DIMT1: variants seen among roughly 807,000 people sequenced by gnomAD.
DIMT1 encodes DIM1 rRNA methyltransferase and ribosome maturation factor, also known as dimethyladenosine transferase.
A neutral mutation model predicts 43.2 loss-of-function variants in DIMT1; 36 were observed. That is an observed-to-expected ratio of 0.83 (90% CI 0.64 to 1.10). DIMT1 has a LOEUF of 1.10. DIMT1 is among the 50% of genes least tolerant of loss of function. The pLI is 0.00. For synonymous variants in DIMT1, 126 were observed against 130.3 expected (o/e 0.97, Z 0.22); for missense variants, 341 against 385.3 (o/e 0.88, Z 0.96).
chr5:62,401,773 G>T (rs1302646758), intron 3 of DIMT1, among the ~76,000 whole-genome samples: 3 of 151,352 alleles, frequency 2.0e-5, no homozygotes, highest in Non-Finnish European at 4.4e-5. Flanking sequence ...AGTTGAGATG[G>T]GGTTTCACCA....
Position 62,398,872 on chromosome 5 carries a change from A to C in DIMT1, c.250T>G (p.Cys84Gly), listed in dbSNP as rs1354317643. 8 of 1,611,994 alleles carry C rather than the reference A, an allele frequency of 5.0e-6. No homozygotes were observed. In the East Asian group the frequency reaches 1.6e-4, roughly 31 times the overall value. The change falls in exon 4 of 12, where the codon TGT (cysteine) becomes GGT (glycine). Residue 84 changes from cysteine to glycine, a missense_variant. By Grantham distance (159) the Cys-to-Gly change is radical. Coordinates refer to ENST00000199320, the MANE Select transcript of DIMT1 (RefSeq NM_014473.4). The part of the protein sequence containing the change: ...LLEKAKKVVA[C>G]ELDPRLVAEL... The stretch of plus-strand genomic sequence containing the variant: ...GCTACTAGCCTTGGGTCAAGTTCAC[A>C]AGCAACAACCTAATTTAAAAAAAAT...
intron 11 of DIMT1, among the ~76,000 whole-genome samples, chr5:62,389,676 GA>G (rs1344463889): frequency 2.0e-5 from 3 of 152,114 alleles, no homozygotes; most frequent in African/African-American, 4.8e-5. Flanking sequence ...AACTGAACAA[GA>G]AGCTGTTTGG....
intron 7 of DIMT1, 29 bp from the exon 8 acceptor site, chr5:62,394,076 C>T (rs1742397107): frequency 1.2e-6 from 2 of 1,601,036 alleles, no homozygotes; most frequent in African/African-American, 1.3e-5. Context: ...TTAAGTAGTA[C>T]TCACAAAGGC....
In DIMT1 at chr5:62,393,964, G is replaced by C; in HGVS notation, c.654C>G (p.Ile218Met). 8.7e-6 allele frequency: 14 copies of C among 1,607,628 alleles called. No individual in the cohort carries two copies. The highest frequency in any genetic ancestry group is 1.2e-5 in the Non-Finnish European group (14 of 1,178,310). The change falls in exon 8 of 12, where the codon ATC becomes ATG. Residue 218 changes from isoleucine to methionine, a missense_variant. Ile to Met is a conservative substitution (Grantham distance 10, BLOSUM62 1). Coordinates refer to ENST00000199320, the MANE Select transcript of DIMT1 (RefSeq NM_014473.4). ...RIEPKNPPPPINFQEWDGLVR... is the reference protein window; with the variant it reads ...RIEPKNPPPPMNFQEWDGLVR... Reference sequence around the variant, plus strand: ...AGTATTTTAACCTCACCTGAAAATTGATGGGTGGTGGTGGATTCTTAGGTT... The same window carrying C: ...AGTATTTTAACCTCACCTGAAAATTCATGGGTGGTGGTGGATTCTTAGGTT...
At chr5:62,400,956 G>C (rs767009022) in intron 3 of DIMT1, among the ~76,000 whole-genome samples, 2 of 151,564 alleles carry the variant, frequency 1.3e-5, no homozygotes, top group African/African-American at 2.4e-5. Flanking sequence ...TCACCATGTT[G>C]CCCAGGCTGG....
rs75841721 is a variant in DIMT1 at position 62,396,692 on chromosome 5, A to T, written c.446+1819T>A. On this transcript the variant is annotated intron_variant, in intron 6 of 11. Transcript: ENST00000199320. The stretch of plus-strand genomic sequence containing the variant: ...CTGCTACATCTTAGCTAACTTTCTC[A>T]AAACACTCTTGTAATAAGCAGATGT... Among the ~76,000 whole-genome samples, 389 of 152,342 alleles carry T rather than the reference A, an allele frequency of 2.6e-3. 1 individual carries two copies. The highest frequency in any genetic ancestry group is 8.3e-3 in the South Asian group (40 of 4,828).
chr5:62,392,156 C>G lies in DIMT1; in HGVS notation c.792+15G>C, dbSNP rs1483026574. The G allele has an allele frequency of 3.1e-6, 5 of 1,609,404 alleles. No homozygotes were observed. The Admixed American group carries it at 8.5e-5, about 27-fold the overall frequency. ...AAACAAATCAATGAAACTGCAGGAA[C>G]ATTTTCTAACTTACAATATTATGGA... On this transcript the variant is annotated intron_variant, in intron 10 of 11. Coordinates refer to ENST00000199320, the MANE Select transcript of DIMT1 (RefSeq NM_014473.4).
chr5:62,401,173 G>A (rs931199319), intron 3 of DIMT1, among the ~76,000 whole-genome samples: 1 of 152,142 alleles, frequency 6.6e-6, no homozygotes, highest in Non-Finnish European at 1.5e-5. Flanking sequence ...GTACAAAGGG[G>A]AGGCGTTGGG....
At position 62,398,356 on chromosome 5, in the gene DIMT1, C is replaced by G. The variant is rs1580127629; in HGVS notation, c.446+155G>C. The G allele has an allele frequency of 5.6e-6, 4 of 715,158 alleles. No homozygotes were observed. The East Asian group carries it at 7.6e-5, about 14-fold the overall frequency. The allele number at this position is 715,158 out of a possible 1,614,324, so 44.3% of individuals were successfully genotyped here. A position where few individuals can be genotyped will look rare whatever the true frequency, so the allele number is the denominator to read the frequency against. On this transcript the variant is annotated intron_variant, in intron 6 of 11. Transcript: ENST00000199320. ...AGCACACTACCCCCAAATAACCTCT[C>G]AATTAAAGAGAGAAAGACCTCCATA...
chr5:62,403,447 C>A, intron 1 of DIMT1, 101 bp from the exon 2 acceptor site: 1 of 1,170,826 alleles, frequency 8.5e-7, no homozygotes, highest in Non-Finnish European at 1.3e-6. Flanking sequence ...ATTTCTGCGC[C>A]AACCAGGGCC....
At chr5:62,398,436 AT>A in intron 6 of DIMT1, 74 bp downstream of exon 6, 1 of 1,466,326 alleles carries the variant, frequency 6.8e-7, no homozygotes, top group South Asian at 1.2e-5. Context: ...GACCTGACTC[AT>A]TTTTGGCTAT....
At chr5:62,403,562 C>T in intron 1 of DIMT1, 132 bp downstream of exon 1, 1 of 1,144,690 alleles carries the variant, frequency 8.7e-7, no homozygotes, top group Non-Finnish European at 1.2e-6. Flanking sequence ...CGGGGACCCA[C>T]CCCTGCCTTC....
chr5:62,390,212 A>T (rs1436641040), intron 11 of DIMT1, among the ~76,000 whole-genome samples: 2 of 152,222 alleles, frequency 1.3e-5, no homozygotes, highest in Non-Finnish European at 2.9e-5. Flanking sequence ...CTTAATGATT[A>T]AAAACAGTAA....
In DIMT1 at chr5:62,387,347, T is replaced by C. The variant is rs1039167952; in HGVS notation, c.*1663A>G. The C allele has an allele frequency of 6.6e-6, 1 of 152,216 alleles. No homozygotes were observed. Among genetic ancestry groups the C allele is most frequent in the African/African-American group, 2.4e-5 (1 of 41,454 alleles). 9.4% of individuals were successfully genotyped at this position (152,216 alleles called of 1,614,324 possible). A position where few individuals can be genotyped will look rare whatever the true frequency, so the allele number is the denominator to read the frequency against. On this transcript the variant is annotated 3_prime_UTR_variant, in exon 12 of 12. Coordinates refer to ENST00000199320, the MANE Select transcript of DIMT1 (RefSeq NM_014473.4). ...AGGATATTTAAAAAAAAGGTAGTTT[T>C]TGAGATTAACCAACTTTCAAAGGGC...
Position 62,398,521 on chromosome 5 carries a change from G to T in DIMT1, c.436C>A (p.Pro146Thr), listed in dbSNP as rs1365221044. ...PFVFKLLLHR[P>T]FFRCAILMFQ... ...TCTTTTGTCACAAACCTGAAAAAAG[G>T]TCGATGTAGCAACAGCTTGAAGACA... Residue 146 changes from proline (P) to threonine (T), a missense_variant, in exon 6 of 12, where the codon CCT becomes ACT. By Grantham distance (38) the Pro-to-Thr change is conservative. Coordinates refer to ENST00000199320, the MANE Select transcript of DIMT1 (RefSeq NM_014473.4). 1.2e-6 allele frequency: 2 copies of T among 1,612,488 alleles called. No homozygotes were observed. Among genetic ancestry groups the T allele is most frequent in the Non-Finnish European group, 1.7e-6 (2 of 1,178,574 alleles).
Position 62,403,890 on chromosome 5 carries a change from G to A in DIMT1, c.-118C>T. Reference sequence around the variant, plus strand: ...CGCCGCCCGCACCACTCTGGCCCAAGCGCCGGAGGGGCAAGGGTCCGCCCC... The same window carrying A: ...CGCCGCCCGCACCACTCTGGCCCAAACGCCGGAGGGGCAAGGGTCCGCCCC... On this transcript the variant is annotated 5_prime_UTR_variant, in exon 1 of 12. Transcript: ENST00000199320. The A allele has an allele frequency of 9.1e-7, 1 of 1,104,520 alleles. No homozygotes were observed. Among genetic ancestry groups the A allele is most frequent in the Non-Finnish European group, 1.3e-6 (1 of 779,116 alleles). The allele number at this position is 1,104,520 out of a possible 1,614,324, so 68.4% of individuals were successfully genotyped here.
At chr5:62,394,752 A>G in intron 6 of DIMT1, 145 bp from the exon 7 acceptor site, 1 of 1,155,744 alleles carries the variant, frequency 8.7e-7, no homozygotes, top group South Asian at 1.6e-5. Flanking sequence ...CCTTTTTTTT[A>G]TTGCCACAGA....
intron 6 of DIMT1, 41 bp downstream of exon 6, chr5:62,398,470 C>T (rs1269078886): frequency 6.2e-7 from 1 of 1,601,512 alleles, no homozygotes. Flanking sequence ...AACTGTAAGT[C>T]TTTCAAAATT....
chr5:62,391,708 A>G, intron 10 of DIMT1: 1 of 1,301,558 alleles, frequency 7.7e-7, no homozygotes, highest in Non-Finnish European at 9.7e-7. Context: ...TGAGGCTCAC[A>G]ACCAGAAATC....
Sources: allele counts gnomAD v4.1 joint callset (sites outside exome capture counted in the v4.1 genomes callset), GRCh38; gene constraint gnomAD v4.1.1; transcripts MANE v1.5; gene names NCBI Gene and HGNC (gene_info 2026-07-23, HGNC 2026-07-21).